The following CDH13 variants were observed in gnomAD, a reference collection of about 807,000 sequenced individuals.
CDH13 encodes the protein cadherin 13, also known as cadherin-13.
In CDH13, 24 loss-of-function variants were observed where a neutral mutation model predicts 63.8. The observed-to-expected ratio is 0.38, with a 90% CI of 0.27 to 0.53. The LOEUF (loss-of-function observed/expected upper bound fraction) is 0.53. CDH13 is among the 20% of genes least tolerant of loss of function. The pLI is 0.85. For synonymous variants in CDH13, 503 were observed against 355.3 expected, an observed-to-expected ratio of 1.42 and a Z score of -4.67; for missense variants, 1,049 against 903.1, an observed-to-expected ratio of 1.16 and a Z score of -2.07.
At chr16:82,965,925 C>T (rs1907738451) in intron 2 of CDH13, among the ~76,000 whole-genome samples, 2 of 152,152 alleles carry the variant, frequency 1.3e-5, no homozygotes, top group South Asian at 2.1e-4. Flanking sequence ...AGCATAGCTG[C>T]CCAGTGGAGA....
intron 10 of CDH13, among the ~76,000 whole-genome samples, chr16:83,718,985 G>A (rs941066572): frequency 6.6e-6 from 1 of 152,216 alleles, no homozygotes; most frequent in Non-Finnish European, 1.5e-5. Context: ...GCTGGTGCAA[G>A]TTCTCTGGCA....
At chr16:83,731,363 G>A (rs943594388) in intron 10 of CDH13, among the ~76,000 whole-genome samples, 1 of 152,168 alleles carries the variant, frequency 6.6e-6, no homozygotes, top group Non-Finnish European at 1.5e-5. Flanking sequence ...TATTCTGACT[G>A]GTGTGAGATG....
chr16:82,655,103 A>T (rs1172844606), intron 1 of CDH13, among the ~76,000 whole-genome samples: 1 of 152,166 alleles, frequency 6.6e-6, no homozygotes, highest in African/African-American at 2.4e-5. Flanking sequence ...GTATCAGGGG[A>T]TTCATCTGTT....
chr16:82,844,297 A>T (rs1370188048), intron 1 of CDH13, among the ~76,000 whole-genome samples: 1 of 152,112 alleles, frequency 6.6e-6, no homozygotes, highest in Non-Finnish European at 1.5e-5. Context: ...GAGAAAACAC[A>T]TTCTCCTGAA....
intron 1 of CDH13, among the ~76,000 whole-genome samples, chr16:82,669,476 C>G (rs1031979526): frequency 2.0e-5 from 3 of 152,166 alleles, no homozygotes; most frequent in African/African-American, 7.2e-5. Context: ...CATTCTAGTA[C>G]GGACTTAATT....
At chr16:82,823,431 T>G (rs2038099978) in intron 1 of CDH13, 1 of 152,112 alleles carries the variant, frequency 6.6e-6, no homozygotes, top group African/African-American at 2.4e-5. Flanking sequence ...AAAAAAAAAG[T>G]TGTTTCATGA....
intron 5 of CDH13, among the ~76,000 whole-genome samples, chr16:83,264,980 G>A (rs988182411): frequency 5.3e-5 from 8 of 151,808 alleles, no homozygotes; most frequent in Non-Finnish European, 7.4e-5. Flanking sequence ...AATTTTCTTT[G>A]TCACCTATCA....
At chr16:83,113,965 G>C (rs1489429485) in intron 3 of CDH13, among the ~76,000 whole-genome samples, 1 of 151,138 alleles carries the variant, frequency 6.6e-6, no homozygotes, top group African/African-American at 2.5e-5. Flanking sequence ...TAATGACGGG[G>C]AGAAGAATGT....
In CDH13 at chr16:83,029,813, A is replaced by T. The variant is rs140138054; in HGVS notation, c.158-2197A>T. On this transcript the variant is annotated intron_variant, in intron 2 of 13. Coordinates refer to ENST00000567109, the MANE Select transcript of CDH13 (RefSeq NM_001257.5). Reference sequence around the variant, plus strand: ...GGTTGTGCTTACTTTGTAAAAATTCATTGGGTTGTATGTTCTGATTTATGT... The same window carrying T: ...GGTTGTGCTTACTTTGTAAAAATTCTTTGGGTTGTATGTTCTGATTTATGT... Among the ~76,000 whole-genome samples the T allele has an allele frequency of 1.1e-3, 164 of 152,262 alleles. 1 individual carries two copies. Among genetic ancestry groups the T allele is most frequent in the Non-Finnish European group, 1.7e-3 (114 of 68,018 alleles).
At chr16:82,916,877 T>C (rs569271618) in intron 2 of CDH13, among the ~76,000 whole-genome samples, 2 of 152,310 alleles carry the variant, frequency 1.3e-5, no homozygotes, top group Admixed American at 1.3e-4. Flanking sequence ...CACATTTAGG[T>C]GTTCCTTAAA....
In CDH13 at chr16:83,445,358, G is replaced by A. The variant is rs1036839664; in HGVS notation, c.782-41119G>A. ...ATCATTCTTCTACAAAAGAAGAAAAGTTATTTCAGAAAAGCTTCCTAAGTT... is the reference window on the plus strand; with the variant it reads ...ATCATTCTTCTACAAAAGAAGAAAAATTATTTCAGAAAAGCTTCCTAAGTT... On this transcript the variant is annotated intron_variant, in intron 6 of 13. Transcript: ENST00000567109. 9.1e-5 allele frequency among the ~76,000 whole-genome samples: 11 copies of A among 120,744 alleles called. No homozygotes were observed. In the East Asian group the frequency reaches 2.0e-3, roughly 22 times the overall value. 79.2% of individuals were successfully genotyped at this position (120,744 alleles called of 152,430 possible). A position where few individuals can be genotyped will look rare whatever the true frequency, so the allele number is the denominator to read the frequency against.
At chr16:82,945,644 A>T (rs184764924) in intron 2 of CDH13, among the ~76,000 whole-genome samples, 1 of 152,162 alleles carries the variant, frequency 6.6e-6, no homozygotes, top group Non-Finnish European at 1.5e-5. Context: ...TGCTGTGAAG[A>T]TACCGCAGGA....
intron 2 of CDH13, among the ~76,000 whole-genome samples, chr16:82,955,721 C>T (rs1905984604): frequency 6.6e-6 from 1 of 152,198 alleles, no homozygotes; most frequent in Non-Finnish European, 1.5e-5. Context: ...CTAGAAGATA[C>T]AGCATTTAGT....
chr16:83,047,463 A>G lies in CDH13; in HGVS notation c.366+15245A>G, dbSNP rs1213820300. 2.0e-5 allele frequency among the ~76,000 whole-genome samples: 3 copies of G among 152,096 alleles called. No homozygotes were observed. The highest frequency in any genetic ancestry group is 7.3e-5 in the African/African-American group (3 of 41,370). On this transcript the variant is annotated intron_variant, in intron 3 of 13. Transcript: ENST00000567109. This position sits in a 1 kb window ranked among gnomAD's most constrained non-coding sequence, Gnocchi z 4.9. ...GACCACCAGTCTTATTTACCTTGTT[A>G]TCTGTAATTTCCTCTTTCCCTCAGG...
intron 10 of CDH13, among the ~76,000 whole-genome samples, chr16:83,712,417 G>C (rs763587100): frequency 2.0e-5 from 3 of 152,130 alleles, no homozygotes; most frequent in Non-Finnish European, 4.4e-5. Flanking sequence ...TGGAGAATGA[G>C]GCATGCATCT....
intron 1 of CDH13, among the ~76,000 whole-genome samples, chr16:82,657,104 TG>T (rs750140030): frequency 4.6e-5 from 7 of 152,142 alleles, no homozygotes; most frequent in Non-Finnish European, 1.0e-4. Flanking sequence ...CCAGTTTTCA[TG>T]GGGAATAAGT....
intron 5 of CDH13, among the ~76,000 whole-genome samples, chr16:83,300,007 G>A (rs1310369127): frequency 6.8e-6 from 1 of 147,912 alleles, no homozygotes; most frequent in Non-Finnish European, 1.5e-5. Context: ...GTTGTCAAAT[G>A]AGAGCCTCAG....
intron 2 of CDH13, among the ~76,000 whole-genome samples, chr16:82,910,635 C>G (rs1292925917): frequency 6.6e-6 from 1 of 152,174 alleles, no homozygotes; most frequent in Non-Finnish European, 1.5e-5. Context: ...TAAGAAGGCT[C>G]CCAGGCTCCT....
chr16:82,763,941 G>T (rs1313752050), intron 1 of CDH13, among the ~76,000 whole-genome samples: 1 of 152,176 alleles, frequency 6.6e-6, no homozygotes. Context: ...CAAAAGTGCT[G>T]GGATTACGGG....
Sources: gnomAD v4.1 joint callset for allele counts (sites outside exome capture counted in the v4.1 genomes callset) on GRCh38, gnomAD v4.1.1 for gene constraint, Gnocchi (gnomAD v3.1) non-coding constraint, MANE v1.5 for transcripts, NCBI Gene and HGNC (gene_info 2026-07-23, HGNC 2026-07-21) for gene names.